PAPSS1: variants seen among roughly 807,000 people sequenced by gnomAD.
PAPSS1 encodes bifunctional 3'-phosphoadenosine 5'-phosphosulfate synthase 1.
In PAPSS1, 50 loss-of-function variants were observed where a neutral mutation model predicts 72.0. The observed-to-expected ratio is 0.69, with a 90% CI of 0.55 to 0.88. The LOEUF is 0.88. PAPSS1 is among the 40% of genes least tolerant of loss of function. The pLI is 0.00. For synonymous variants in PAPSS1, 261 were observed against 263.6 expected (o/e 0.99, Z 0.09); for missense variants, 657 against 782.2 (o/e 0.84, Z 1.91).
chr4:107,700,673 G>C (rs560492126), intron 2 of PAPSS1, among the ~76,000 whole-genome samples: 12 of 152,308 alleles, frequency 7.9e-5, no homozygotes, highest in African/African-American at 2.9e-4. Flanking sequence ...GAGGCTGTGA[G>C]TTCAATCTTT....
chr4:107,637,897 T>C (rs1333839431), intron 10 of PAPSS1, among the ~76,000 whole-genome samples: 2 of 152,236 alleles, frequency 1.3e-5, no homozygotes, highest in African/African-American at 4.8e-5. Flanking sequence ...AGTTCCATAT[T>C]AAAATATCCC....
chr4:107,615,947 C>G (rs1403454757), intron 11 of PAPSS1, among the ~76,000 whole-genome samples: 1 of 152,200 alleles, frequency 6.6e-6, no homozygotes, highest in East Asian at 1.9e-4. Context: ...ACCGCATCTG[C>G]TGGCACCTTG....
At chr4:107,693,238 G>A (rs548744012) in intron 3 of PAPSS1, among the ~76,000 whole-genome samples, 5 of 152,270 alleles carry the variant, frequency 3.3e-5, no homozygotes, top group East Asian at 1.9e-4. Flanking sequence ...GAACAGGAGG[G>A]AGAAGAGTGC....
chr4:107,647,851 C>G (rs1028325328), intron 9 of PAPSS1, among the ~76,000 whole-genome samples: 1 of 152,158 alleles, frequency 6.6e-6, no homozygotes, highest in Non-Finnish European at 1.5e-5. Flanking sequence ...ACCCCTACAC[C>G]TGGGTTCAAT....
At chr4:107,701,318 A>G (rs752618141) in intron 1 of PAPSS1, 33 bp from the exon 2 acceptor site, 2 of 1,433,510 alleles carry the variant, frequency 1.4e-6, no homozygotes, top group South Asian at 1.2e-5. Flanking sequence ...ATTCTAGTTT[A>G]CATGAGTCCT....
intron 5 of PAPSS1, among the ~76,000 whole-genome samples, chr4:107,680,611 C>T (rs1727780236): frequency 6.6e-6 from 1 of 152,146 alleles, no homozygotes; most frequent in South Asian, 2.1e-4. Context: ...ATGTAAATCC[C>T]TCAAGGATGG....
At chr4:107,660,841 C>T (rs576836141) in intron 5 of PAPSS1, among the ~76,000 whole-genome samples, 1 of 152,202 alleles carries the variant, frequency 6.6e-6, no homozygotes, top group East Asian at 1.9e-4. Flanking sequence ...GCAAAATTGG[C>T]ACTGATGGAG....
intron 5 of PAPSS1, among the ~76,000 whole-genome samples, chr4:107,676,068 G>A (rs995185037): frequency 1.9e-4 from 29 of 151,944 alleles, no homozygotes; most frequent in African/African-American, 7.0e-4. Flanking sequence ...CAAACCCACA[G>A]CCAATATCAT....
intron 2 of PAPSS1, 53 bp from the exon 3 acceptor site, chr4:107,694,059 A>G: frequency 2.4e-6 from 3 of 1,253,128 alleles, no homozygotes; most frequent in Non-Finnish European, 3.3e-6. Flanking sequence ...AAGGATAACT[A>G]TGTAGTAATA....
intron 10 of PAPSS1, among the ~76,000 whole-genome samples, chr4:107,642,153 C>T (rs1222192081): frequency 6.6e-6 from 1 of 152,088 alleles, no homozygotes; most frequent in Admixed American, 6.6e-5. Context: ...CCACCTCTAA[C>T]GAATGTTGCC....
intron 2 of PAPSS1, among the ~76,000 whole-genome samples, chr4:107,698,399 A>G (rs1169224841): frequency 1.3e-5 from 2 of 152,260 alleles, no homozygotes; most frequent in Non-Finnish European, 2.9e-5. Flanking sequence ...AGGTGAATAC[A>G]TATTCTTTTC....
At chr4:107,712,030 T>C (rs1037959847) in intron 1 of PAPSS1, among the ~76,000 whole-genome samples, 11 of 152,232 alleles carry the variant, frequency 7.2e-5, no homozygotes, top group African/African-American at 1.7e-4. Context: ...GTTACTAGCA[T>C]GCTTATCTCA....
intron 9 of PAPSS1, among the ~76,000 whole-genome samples, chr4:107,650,448 C>T (rs1726808951): frequency 6.6e-6 from 1 of 152,052 alleles, no homozygotes; most frequent in Non-Finnish European, 1.5e-5. Flanking sequence ...TATGAAAGTC[C>T]CTAATTATGA....
intron 1 of PAPSS1, among the ~76,000 whole-genome samples, chr4:107,718,865 T>C (rs1412580322): frequency 3.9e-5 from 6 of 152,194 alleles, no homozygotes; most frequent in Non-Finnish European, 8.8e-5. Flanking sequence ...CACATTCAAA[T>C]TCATGATCTG....
chr4:107,676,116 A>G (rs1727637281), intron 5 of PAPSS1, among the ~76,000 whole-genome samples: 1 of 152,146 alleles, frequency 6.6e-6, no homozygotes, highest in Non-Finnish European at 1.5e-5. Flanking sequence ...CCCTTTGAAA[A>G]CTGGCACAAG....
chr4:107,664,355 C>A (rs1189727026), intron 5 of PAPSS1, among the ~76,000 whole-genome samples: 1 of 152,148 alleles, frequency 6.6e-6, no homozygotes, highest in Non-Finnish European at 1.5e-5. Context: ...AGAAAGCATG[C>A]AGCAGACACA....
chr4:107,679,747 C>T (rs1727750611), intron 5 of PAPSS1, among the ~76,000 whole-genome samples: 1 of 150,132 alleles, frequency 6.7e-6, no homozygotes, highest in African/African-American at 2.5e-5. Flanking sequence ...GGCGCAATCT[C>T]GGCTCACTGC....
chr4:107,677,569 C>T (rs1256787716), intron 5 of PAPSS1, among the ~76,000 whole-genome samples: 1 of 152,192 alleles, frequency 6.6e-6, no homozygotes. Flanking sequence ...GAAATAGGAA[C>T]ACTTTTACAC....
At chr4:107,622,000 A>G (rs1317609719) in intron 11 of PAPSS1, among the ~76,000 whole-genome samples, 1 of 152,092 alleles carries the variant, frequency 6.6e-6, no homozygotes, top group Admixed American at 6.6e-5. Flanking sequence ...CATCAAGGGC[A>G]CTTGTATGGG....
Sources: gnomAD v4.1 joint callset for allele counts (sites outside exome capture counted in the v4.1 genomes callset) on GRCh38, gnomAD v4.1.1 for gene constraint, MANE v1.5 for transcripts, NCBI Gene and HGNC (gene_info 2026-07-23, HGNC 2026-07-21) for gene names.